PTPN4: variants seen among roughly 807,000 people sequenced by gnomAD.
PTPN4 encodes protein tyrosine phosphatase non-receptor type 4, also known as tyrosine-protein phosphatase non-receptor type 4.
PTPN4 carries 49 observed loss-of-function variants against 135.5 expected under a neutral mutation model. The observed-to-expected ratio is 0.36, with a 90% CI of 0.29 to 0.46. The LOEUF (loss-of-function observed/expected upper bound fraction) is 0.46, where lower values mean the gene tolerates loss of function less well. Ranked by LOEUF, PTPN4 falls within the 20% of genes least tolerant of loss-of-function variation. The pLI is 1.00. For missense variants in PTPN4, 860 were observed against 1,101.0 expected, an observed-to-expected ratio of 0.78 and a Z score of 3.10; for synonymous variants, 333 against 369.9, an observed-to-expected ratio of 0.90 and a Z score of 1.14.
rs181544864 is a variant in PTPN4 at position 119,945,670 on chromosome 2, A to G, written c.1515+430A>G. Among the ~76,000 whole-genome samples, 253 of 152,254 alleles carry G rather than the reference A, an allele frequency of 1.7e-3. 1 individual carries two copies. Among genetic ancestry groups the G allele is most frequent in the Admixed American group, 3.8e-3 (58 of 15,294 alleles). On this transcript the variant is annotated intron_variant, in intron 16 of 26. Transcript: ENST00000263708. Reference sequence around the variant, plus strand: ...TGAAAGAAGCCCAGGACAAATAGCCATGTGTTGTAGGATTTCATATATGTG... The same window carrying G: ...TGAAAGAAGCCCAGGACAAATAGCCGTGTGTTGTAGGATTTCATATATGTG...
At chr2:119,869,481 T>G (rs1677878536) in intron 3 of PTPN4, among the ~76,000 whole-genome samples, 1 of 152,220 alleles carries the variant, frequency 6.6e-6, no homozygotes, top group South Asian at 2.1e-4. Flanking sequence ...TAACTATACA[T>G]GCATAGTTCA....
At chr2:119,872,357 T>G (rs1003395827) in intron 3 of PTPN4, among the ~76,000 whole-genome samples, 2 of 152,208 alleles carry the variant, frequency 1.3e-5, no homozygotes, top group Non-Finnish European at 2.9e-5. Flanking sequence ...AATATCACAA[T>G]GTATACAGCT....
chr2:119,826,603 C>T (rs964751784), intron 2 of PTPN4, among the ~76,000 whole-genome samples: 2 of 152,192 alleles, frequency 1.3e-5, no homozygotes, highest in Admixed American at 1.3e-4. Flanking sequence ...CCTTACAATA[C>T]ACAGTACAAT....
intron 2 of PTPN4, among the ~76,000 whole-genome samples, chr2:119,832,657 T>A (rs1361005985): frequency 6.6e-6 from 1 of 152,160 alleles, no homozygotes; most frequent in Non-Finnish European, 1.5e-5. Context: ...GAGATACTTG[T>A]ATATCTTTTT....
At chr2:119,798,932 G>A (rs1004643855) in intron 1 of PTPN4, among the ~76,000 whole-genome samples, 1 of 152,184 alleles carries the variant, frequency 6.6e-6, no homozygotes, top group Admixed American at 6.5e-5. Context: ...GGACCTGAAG[G>A]GTGGAAAATA....
At chr2:119,761,340 AG>A (rs935343860) in intron 1 of PTPN4, among the ~76,000 whole-genome samples, 32 of 152,362 alleles carry the variant, frequency 2.1e-4, no homozygotes, top group African/African-American at 7.7e-4. Flanking sequence ...AACGTGCCAG[AG>A]GAAAAAAATT....
intron 11 of PTPN4, chr2:119,916,522 C>T (rs1404522098): frequency 6.6e-6 from 1 of 151,970 alleles, no homozygotes; most frequent in Non-Finnish European, 1.5e-5. Flanking sequence ...CAAAAATGTG[C>T]ATATTTTAAG....
intron 2 of PTPN4, among the ~76,000 whole-genome samples, chr2:119,845,440 A>G (rs1289852795): frequency 1.3e-5 from 2 of 151,890 alleles, no homozygotes; most frequent in African/African-American, 4.8e-5. Context: ...TTTCTTCTTG[A>G]GTTAATACGT....
chr2:119,859,962 C>G (rs1677737679), intron 2 of PTPN4, among the ~76,000 whole-genome samples: 1 of 152,130 alleles, frequency 6.6e-6, no homozygotes, highest in Admixed American at 6.5e-5. Context: ...TTCTTGGGCT[C>G]TTTCATCAGC....
chr2:119,936,956 C>G (rs1233047839), intron 15 of PTPN4, among the ~76,000 whole-genome samples: 1 of 152,130 alleles, frequency 6.6e-6, no homozygotes, highest in Non-Finnish European at 1.5e-5. Context: ...AAAAGATAAG[C>G]TTAATAATAA....
At chr2:119,899,581 A>T (rs1035538223) in intron 9 of PTPN4, among the ~76,000 whole-genome samples, 1 of 152,104 alleles carries the variant, frequency 6.6e-6, no homozygotes, top group African/African-American at 2.4e-5. Flanking sequence ...CTTTATGTAT[A>T]TCTTCCCTAA....
At chr2:119,959,229 C>T (rs1342152617) in intron 22 of PTPN4, among the ~76,000 whole-genome samples, 1 of 129,958 alleles carries the variant, frequency 7.7e-6, no homozygotes, top group Non-Finnish European at 1.7e-5. Flanking sequence ...AGGAATATAT[C>T]TCTGATAAGG....
chr2:119,766,245 C>T (rs1462425287), intron 1 of PTPN4, among the ~76,000 whole-genome samples: 1 of 152,204 alleles, frequency 6.6e-6, no homozygotes, highest in Non-Finnish European at 1.5e-5. Flanking sequence ...GGGAAAACCA[C>T]TGTTTTAGAG....
intron 3 of PTPN4, among the ~76,000 whole-genome samples, chr2:119,873,155 C>T (rs1356461598): frequency 6.6e-6 from 1 of 151,334 alleles, no homozygotes; most frequent in Non-Finnish European, 1.5e-5. Context: ...CCACATCTGG[C>T]TAATTTTTTC....
intron 26 of PTPN4, among the ~76,000 whole-genome samples, chr2:119,976,725 C>T (rs1211868443): frequency 6.6e-6 from 1 of 152,144 alleles, no homozygotes; most frequent in African/African-American, 2.4e-5. Flanking sequence ...TTATATGCTG[C>T]CAAATTCCCC....
chr2:119,784,477 C>G (rs1198142963), intron 1 of PTPN4, among the ~76,000 whole-genome samples: 1 of 150,308 alleles, frequency 6.7e-6, no homozygotes, highest in Non-Finnish European at 1.5e-5. Context: ...AGCTCCGCCT[C>G]CCGGGTTCAC....
intron 1 of PTPN4, among the ~76,000 whole-genome samples, chr2:119,767,085 T>C (rs1357013406): frequency 6.6e-6 from 1 of 152,206 alleles, no homozygotes; most frequent in Non-Finnish European, 1.5e-5. Flanking sequence ...TTTTTAACAT[T>C]GTACTAGCTA....
intron 2 of PTPN4, among the ~76,000 whole-genome samples, chr2:119,850,124 C>T (rs1305111784): frequency 6.6e-6 from 1 of 152,234 alleles, no homozygotes; most frequent in African/African-American, 2.4e-5. Context: ...CTTCTCTATA[C>T]TCGCTACCAA....
intron 1 of PTPN4, among the ~76,000 whole-genome samples, chr2:119,760,871 CAAA>C (rs11288109): frequency 4.8e-4 from 39 of 81,990 alleles, no homozygotes; most frequent in Non-Finnish European, 6.0e-4. Context: ...GTAGTTGAGC[CAAA>C]AAAAAAAAAA....
Sources: allele counts gnomAD v4.1 joint callset (sites outside exome capture counted in the v4.1 genomes callset), GRCh38; gene constraint gnomAD v4.1.1; transcripts MANE v1.5; gene names NCBI Gene and HGNC (gene_info 2026-07-23, HGNC 2026-07-21).